The following RGS6 variants were observed in gnomAD, a reference collection of about 807,000 sequenced individuals.
The protein encoded by RGS6 is regulator of G-protein signaling 6.
A neutral mutation model predicts 78.5 loss-of-function variants in RGS6; 30 were observed. That is an observed-to-expected ratio of 0.38 (90% CI 0.29 to 0.52). The LOEUF is 0.52. RGS6 is among the 20% of genes least tolerant of loss of function. The pLI is 0.85. For synonymous variants in RGS6, 206 were observed against 206.0 expected, an observed-to-expected ratio of 1.00 and a Z score of 0.00; for missense variants, 495 against 609.7, an observed-to-expected ratio of 0.81 and a Z score of 1.98.
At chr14:71,919,437 C>A in the RGS6 span, among the ~76,000 whole-genome samples, 1 of 152,058 alleles carries the variant, frequency 6.6e-6, no homozygotes, top group Non-Finnish European at 1.5e-5. Context: ...TGTATTTTAA[C>A]CTGTATGTCA....
intron 3 of RGS6, among the ~76,000 whole-genome samples, chr14:72,422,154 C>CT (rs1267850390): frequency 6.6e-6 from 1 of 152,200 alleles, no homozygotes; most frequent in Non-Finnish European, 1.5e-5. Flanking sequence ...ACCTCCTTGC[C>CT]TTCTGCCATG....
intron 17 of RGS6, among the ~76,000 whole-genome samples, chr14:72,557,295 C>A (rs7146783): frequency 0.44 from 67,682 of 152,166 alleles, 18,948 homozygotes; most frequent in African/African-American, 0.8. Flanking sequence ...AGCGTTTCTC[C>A]GACATCTCAG....
chr14:72,402,325 G>C (rs769812250), intron 3 of RGS6, among the ~76,000 whole-genome samples: 2 of 152,218 alleles, frequency 1.3e-5, no homozygotes, highest in South Asian at 4.1e-4. Flanking sequence ...GGCTATGGTA[G>C]TTGATGTTGA....
intron 1 of RGS6, among the ~76,000 whole-genome samples, chr14:71,948,408 A>G (rs1193814981): frequency 6.6e-6 from 1 of 152,196 alleles, no homozygotes; most frequent in Admixed American, 6.5e-5. Context: ...TAACCCTGCC[A>G]TGATGTCATT....
chr14:72,407,981 G>A (rs912737975), intron 3 of RGS6, among the ~76,000 whole-genome samples: 2 of 152,250 alleles, frequency 1.3e-5, no homozygotes, highest in African/African-American at 2.4e-5. Context: ...CATTACAGGC[G>A]GCCTTCCCCT....
chr14:72,460,289 A>G (rs1319667242), intron 6 of RGS6, among the ~76,000 whole-genome samples: 2 of 152,206 alleles, frequency 1.3e-5, no homozygotes, highest in Non-Finnish European at 2.9e-5. Flanking sequence ...CTATATGCCA[A>G]TTCTCTGAAG....
intron 2 of RGS6, among the ~76,000 whole-genome samples, chr14:72,140,409 G>A (rs750190947): frequency 1.3e-5 from 2 of 152,190 alleles, no homozygotes; most frequent in Non-Finnish European, 2.9e-5. Flanking sequence ...TGAGAAGACC[G>A]TGTGCCATTG....
Position 72,087,194 on chromosome 14 carries a change from G to A in RGS6, c.84+122319G>A, listed in dbSNP as rs193174102. On this transcript the variant is annotated intron_variant, in intron 2 of 17. Coordinates refer to ENST00000553525, the MANE Select transcript of RGS6 (RefSeq NM_001204424.2). The stretch of plus-strand genomic sequence containing the variant: ...TGCTCAAGCTGGAGTGCAGTGCCAC[G>A]ATCTTAGCTCACTGCAACTTCTGCC... 2.3e-3 allele frequency among the ~76,000 whole-genome samples: 352 copies of A among 152,140 alleles called. 1 individual carries two copies. Among genetic ancestry groups the A allele is most frequent in the African/African-American group, 8.1e-3 (336 of 41,526 alleles).
rs923801936 is a variant in RGS6 at position 71,933,768 on chromosome 14, C to T, written c.-21+827C>T. Among the ~76,000 whole-genome samples, 21 of 152,228 alleles carry T rather than the reference C, an allele frequency of 1.4e-4. 2 individuals are homozygous for T. Among genetic ancestry groups the T allele is most frequent in the Admixed American group, 1.1e-3 (17 of 15,300 alleles). On this transcript the variant is annotated intron_variant, in intron 1 of 17. Coordinates refer to ENST00000553525, the MANE Select transcript of RGS6 (RefSeq NM_001204424.2). ...ATTATCAATGCTTGGGAGGTGAGTT[C>T]TGATCAATACCTTTAACAACCCCAA...
intron 2 of RGS6, among the ~76,000 whole-genome samples, chr14:72,062,373 C>T (rs544187320): frequency 2.0e-5 from 3 of 152,252 alleles, no homozygotes; most frequent in African/African-American, 4.8e-5. Context: ...CCAGGGCCTG[C>T]CCTGCCTCTG....
At chr14:71,914,505 T>C in the RGS6 span, among the ~76,000 whole-genome samples, 3 of 152,198 alleles carry the variant, frequency 2.0e-5, no homozygotes, top group Non-Finnish European at 2.9e-5. Flanking sequence ...TAACGGATCT[T>C]AATTCTTTCT....
intron 2 of RGS6, among the ~76,000 whole-genome samples, chr14:72,092,773 G>A (rs2095308045): frequency 6.6e-6 from 1 of 152,180 alleles, no homozygotes; most frequent in African/African-American, 2.4e-5. Flanking sequence ...AGGAGTTCCT[G>A]TATTCTCTGC....
Position 72,189,292 on chromosome 14 carries a change from ACTT to A in RGS6, c.85-162800_85-162798del, listed in dbSNP as rs1329113150. The stretch of plus-strand genomic sequence containing the variant: ...GTTTATTGCTTTATTCTTCCACAAA[ACTT>A]CTAGTATGTTAGGCCTTGTCCTGGT... On this transcript the variant is annotated intron_variant, in intron 2 of 17. Coordinates refer to ENST00000553525, the MANE Select transcript of RGS6 (RefSeq NM_001204424.2). 2.0e-5 allele frequency among the ~76,000 whole-genome samples: 3 copies of A among 152,266 alleles called. No homozygotes were observed. In the East Asian group the frequency reaches 5.8e-4, roughly 29 times the overall value.
At chr14:72,598,042 C>T in the RGS6 span, among the ~76,000 whole-genome samples, 1 of 152,224 alleles carries the variant, frequency 6.6e-6, no homozygotes, top group African/African-American at 2.4e-5. Flanking sequence ...ACAAAAATCC[C>T]CAGTGCACAG....
chr14:71,917,385 G>C, the RGS6 span, among the ~76,000 whole-genome samples: 1 of 152,154 alleles, frequency 6.6e-6, no homozygotes, highest in African/African-American at 2.4e-5. Flanking sequence ...GCTGTTAAAA[G>C]TATACATAAA....
intron 2 of RGS6, among the ~76,000 whole-genome samples, chr14:72,248,694 A>G (rs1464554087): frequency 2.0e-5 from 3 of 152,220 alleles, no homozygotes; most frequent in Admixed American, 1.3e-4. Context: ...AATTAGCTCT[A>G]TGTTAATTCT....
intron 2 of RGS6, among the ~76,000 whole-genome samples, chr14:72,197,327 A>G (rs367781465): frequency 1.5e-3 from 233 of 152,276 alleles, no homozygotes; most frequent in African/African-American, 5.1e-3. Context: ...TGGCCTCCCA[A>G]AGTGCTGGGA....
chr14:72,546,820 T>G (rs1178907215), intron 17 of RGS6, among the ~76,000 whole-genome samples: 1 of 152,206 alleles, frequency 6.6e-6, no homozygotes, highest in African/African-American at 2.4e-5. Context: ...TGCCAGTCTC[T>G]AGCAAGGCAG....
chr14:72,504,329 G>A (rs118117242), intron 13 of RGS6, among the ~76,000 whole-genome samples: 33 of 152,198 alleles, frequency 2.2e-4, no homozygotes, highest in Non-Finnish European at 4.0e-4. Flanking sequence ...TTTAAGTCAC[G>A]TTTTACTATA....
Sources: gnomAD v4.1 joint callset for allele counts (sites outside exome capture counted in the v4.1 genomes callset) on GRCh38, gnomAD v4.1.1 for gene constraint, MANE v1.5 for transcripts, NCBI Gene and HGNC (gene_info 2026-07-23, HGNC 2026-07-21) for gene names.